FOXP1: variants seen among roughly 807,000 people sequenced by gnomAD.
The protein encoded by FOXP1 is forkhead box P1, also known as forkhead box protein P1.
FOXP1 carries 15 observed loss-of-function variants against 98.2 expected under a neutral mutation model. The ratio of observed to expected loss-of-function variants is 0.15; its 90% CI spans 0.10 to 0.24. The LOEUF (loss-of-function observed/expected upper bound fraction) is 0.24. Ranked by LOEUF, FOXP1 falls within the 10% of genes least tolerant of loss-of-function variation. The pLI is 1.00. For missense variants in FOXP1, 633 were observed against 848.5 expected, an observed-to-expected ratio of 0.75 and a Z score of 3.15; for synonymous variants, 371 against 314.5, an observed-to-expected ratio of 1.18 and a Z score of -1.90.
chr3:71,449,095 A>G (rs766247556), intron 3 of FOXP1, among the ~76,000 whole-genome samples: 2 of 152,226 alleles, frequency 1.3e-5, no homozygotes, highest in Non-Finnish European at 2.9e-5. Context: ...ACAATATTAT[A>G]TGATCATATT....
chr3:71,393,940 C>T (rs1009539257), intron 3 of FOXP1, among the ~76,000 whole-genome samples: 12 of 152,164 alleles, frequency 7.9e-5, no homozygotes, highest in African/African-American at 2.9e-4. Flanking sequence ...AGTGATCCTC[C>T]AGCCTCGGCC....
chr3:71,446,353 A>T (rs1262682010), intron 3 of FOXP1, among the ~76,000 whole-genome samples: 1 of 152,070 alleles, frequency 6.6e-6, no homozygotes, highest in Non-Finnish European at 1.5e-5. Flanking sequence ...GGAAACAGGG[A>T]GGGTAATAAG....
chr3:71,285,554 A>G (rs2072024220), intron 5 of FOXP1, among the ~76,000 whole-genome samples: 1 of 152,194 alleles, frequency 6.6e-6, no homozygotes, highest in Non-Finnish European at 1.5e-5. Flanking sequence ...TGCTTTTCCT[A>G]TTTAATATTT....
At chr3:71,246,068 G>C (rs1455450273) in intron 5 of FOXP1, among the ~76,000 whole-genome samples, 2 of 152,050 alleles carry the variant, frequency 1.3e-5, no homozygotes, top group East Asian at 1.9e-4. Flanking sequence ...GATAAGGAGG[G>C]TAACAATGCT....
intron 3 of FOXP1, among the ~76,000 whole-genome samples, chr3:71,369,429 C>T (rs1278887391): frequency 1.3e-5 from 2 of 152,322 alleles, no homozygotes; most frequent in African/African-American, 2.4e-5. Flanking sequence ...GAGTCTCGCT[C>T]TGTCACCCAG....
Position 71,411,328 on chromosome 3 carries a change from TGTGA to T in FOXP1, c.-167-52088_-167-52085del, listed in dbSNP as rs1374864107. Among the ~76,000 whole-genome samples the T allele has an allele frequency of 3.6e-4, 51 of 142,100 alleles. 1 individual carries two copies. The highest frequency in any genetic ancestry group is 1.3e-3 in the African/African-American group (44 of 32,676). 93.2% of individuals were successfully genotyped at this position (142,100 alleles called of 152,430 possible). A position where few individuals can be genotyped will look rare whatever the true frequency, so the allele number is the denominator to read the frequency against. On this transcript the variant is annotated intron_variant, in intron 3 of 20. Transcript: ENST00000649528. The stretch of plus-strand genomic sequence containing the variant: ...GTGTGTGTGTGTGTGTATGTGTGTG[TGTGA>T]GTGACGGAGTCTTGCTCTGTCACCC...
chr3:71,583,854 C>T (rs1435514445), upstream of FOXP1: 2 of 985,730 alleles, frequency 2.0e-6, no homozygotes, highest in Non-Finnish European at 1.2e-6. Context: ...GGCCCGGGGG[C>T]GCACCCCGGC....
chr3:71,174,855 A>C (rs1417000812), intron 6 of FOXP1, among the ~76,000 whole-genome samples: 1 of 150,634 alleles, frequency 6.6e-6, no homozygotes. Flanking sequence ...TAGGAAGAGA[A>C]GGGTAGAAGA....
chr3:71,292,715 T>C (rs2072889121), intron 5 of FOXP1: 1 of 152,166 alleles, frequency 6.6e-6, no homozygotes, highest in Non-Finnish European at 1.5e-5. Flanking sequence ...ATACCACATA[T>C]ATGCCAATAT....
intron 3 of FOXP1, among the ~76,000 whole-genome samples, chr3:71,418,549 T>C (rs1337217249): frequency 6.6e-6 from 1 of 152,212 alleles, no homozygotes; most frequent in Non-Finnish European, 1.5e-5. Flanking sequence ...ATAATTATTC[T>C]GAAGTGTTAA....
At chr3:71,173,421 ACT>A (rs2061754231) in intron 6 of FOXP1, among the ~76,000 whole-genome samples, 1 of 143,966 alleles carries the variant, frequency 6.9e-6, no homozygotes, top group African/African-American at 2.5e-5. Flanking sequence ...ACACACACAC[ACT>A]TTTTGCCTTA....
chr3:71,562,646 A>C (rs1179554943), intron 2 of FOXP1, among the ~76,000 whole-genome samples: 1 of 152,210 alleles, frequency 6.6e-6, no homozygotes, highest in Non-Finnish European at 1.5e-5. Flanking sequence ...CAACAACAAA[A>C]TCATTTTACA....
chr3:71,519,258 CTAAA>C (rs917109868), intron 2 of FOXP1, among the ~76,000 whole-genome samples: 2 of 152,258 alleles, frequency 1.3e-5, no homozygotes, highest in Admixed American at 1.3e-4. Context: ...AACTAACTAA[CTAAA>C]TAAATAATAA....
intron 3 of FOXP1, among the ~76,000 whole-genome samples, chr3:71,467,069 CCACAGATG>C (rs1396427899): frequency 2.0e-5 from 3 of 152,104 alleles, no homozygotes; most frequent in Non-Finnish European, 4.4e-5. Flanking sequence ...GCTTTGGGCA[CCACAGATG>C]TTGCGAGCTT....
chr3:71,163,619 A>C (rs776672185), intron 6 of FOXP1, among the ~76,000 whole-genome samples: 1 of 152,162 alleles, frequency 6.6e-6, no homozygotes, highest in Non-Finnish European at 1.5e-5. Flanking sequence ...GACCATGTTG[A>C]AACTTGTCAA....
chr3:71,411,278 CGTGTGTGTGTGTGTGTGTGTGTGTGT>C (rs58267668), intron 3 of FOXP1, among the ~76,000 whole-genome samples: 1 of 141,684 alleles, frequency 7.1e-6, no homozygotes, highest in Non-Finnish European at 1.5e-5. Context: ...GCTGAATGGG[CGTGTGTGTGTGTGTGTGTGTGTGTGT>C]GTGTGTGTGT....
intron 3 of FOXP1, among the ~76,000 whole-genome samples, chr3:71,386,741 C>CAAAAAAAA (rs5850010): frequency 4.4e-5 from 4 of 90,974 alleles, no homozygotes; most frequent in Non-Finnish European, 8.2e-5. Flanking sequence ...GATTCCGTCT[C>CAAAAAAAA]AAAAAAAAAA....
intron 5 of FOXP1, among the ~76,000 whole-genome samples, chr3:71,212,927 T>C (rs1455007240): frequency 1.3e-5 from 2 of 148,228 alleles, no homozygotes; most frequent in African/African-American, 5.0e-5. Flanking sequence ...AATGACATGA[T>C]GCTAAGGAAT....
At chr3:71,331,111 T>C (rs1217439042) in intron 4 of FOXP1, among the ~76,000 whole-genome samples, 1 of 152,156 alleles carries the variant, frequency 6.6e-6, no homozygotes, top group Admixed American at 6.5e-5. Flanking sequence ...GACGGCTCCC[T>C]CAGCTTGTGG....
Sources: gnomAD v4.1 joint callset for allele counts (sites outside exome capture counted in the v4.1 genomes callset) on GRCh38, gnomAD v4.1.1 for gene constraint, MANE v1.5 for transcripts, NCBI Gene and HGNC (gene_info 2026-07-23, HGNC 2026-07-21) for gene names.